POR: variants seen among roughly 807,000 people sequenced by gnomAD.
The protein encoded by POR is NADPH--cytochrome P450 reductase.
In POR, 56 loss-of-function variants were observed where a neutral mutation model predicts 84.0. That is an observed-to-expected ratio of 0.67 (90% confidence interval 0.54 to 0.83). The LOEUF (loss-of-function observed/expected upper bound fraction) is 0.83, where lower values mean the gene tolerates loss of function less well. POR is among the 40% of genes least tolerant of loss of function. The probability of loss-of-function intolerance (pLI) is 0.00; values close to 1 mark genes in which losing one functional copy is unlikely to be tolerated. For synonymous variants in POR, 414 were observed against 400.5 expected (o/e 1.03, Z -0.40); for missense variants, 938 against 944.3 (o/e 0.99, Z 0.09).
intron 1 of POR, among the ~76,000 whole-genome samples, chr7:75,949,040 G>T (rs1219708780): frequency 3.3e-5 from 5 of 152,232 alleles, no homozygotes; most frequent in Non-Finnish European, 5.9e-5. Context: ...CCTGCAAGGT[G>T]TGAGGAAGGG....
chr7:75,979,560 A>G lies in POR; in HGVS notation c.347A>G (p.Asp116Gly). 1 of 1,613,494 alleles carries G rather than the reference A, an allele frequency of 6.2e-7. No individual in the cohort carries two copies. Among genetic ancestry groups the G allele is most frequent in the Non-Finnish European group, 8.5e-7 (1 of 1,179,826 alleles). The change falls in exon 4 of 16, where the codon GAC (aspartate) becomes GGC (glycine). Residue 116 changes from aspartate (D) to glycine (G), a missense_variant. Physicochemically the swap from Asp to Gly is moderately conservative, Grantham distance 94 (BLOSUM62 -1). Transcript: ENST00000461988. ...TACGGGATGCGAGGCATGTCAGCGG[A>G]CCCTGAGGAGTATGACCTGGTAAGC...
At chr7:75,968,279 T>A (rs1788275680) in intron 2 of POR, 3 of 468,072 alleles carry the variant, frequency 6.4e-6, no homozygotes, top group Non-Finnish European at 1.3e-5. Context: ...AACAGCAAGG[T>A]CAGCCATTCC....
At chr7:75,963,296 GC>G (rs1171794312) in intron 2 of POR, among the ~76,000 whole-genome samples, 2 of 152,214 alleles carry the variant, frequency 1.3e-5, no homozygotes, top group African/African-American at 4.8e-5. Context: ...GGTGCAGGGG[GC>G]CCACTGCCTC....
Position 75,972,451 on chromosome 7 carries a change from T to C in POR, c.227T>C (p.Met76Thr). The C allele has an allele frequency of 6.2e-7, 1 of 1,607,726 alleles. No individual in the cohort carries two copies. The highest frequency in any genetic ancestry group is 1.1e-5 in the South Asian group (1 of 89,514). Residue 76 changes from methionine to threonine, a missense_variant, in exon 3 of 16, where the codon ATG becomes ACG. By Grantham distance (81) the Met-to-Thr change is moderately conservative. Transcript: ENST00000461988. ...AGAGAGAGCAGCTTTGTGGAAAAGATGAAGAAAACGGTGAGTTTCCTGCAT... is the reference window on the plus strand; with the variant it reads ...AGAGAGAGCAGCTTTGTGGAAAAGACGAAGAAAACGGTGAGTTTCCTGCAT...
intron 1 of POR, among the ~76,000 whole-genome samples, chr7:75,938,201 T>C (rs1343725411): frequency 3.3e-5 from 5 of 152,200 alleles, no homozygotes; most frequent in African/African-American, 1.2e-4. Context: ...TTAAGTCCTG[T>C]TGTGTGGGGA....
Position 75,980,464 on chromosome 7 carries a change from G to A in POR, c.492G>A (p.Val164=), listed in dbSNP as rs186349928. The change falls in exon 5 of 16, where the codon GTG becomes GTA. Residue 164 remains valine, a synonymous_variant. Coordinates refer to ENST00000461988, the MANE Select transcript of POR (RefSeq NM_000941.3). Reference sequence around the variant, plus strand: ...ACGACTGGCTGCAGGAGACAGACGTGGATCTCTCTGGGGTCAAGTTCGCGG... The same window carrying A: ...ACGACTGGCTGCAGGAGACAGACGTAGATCTCTCTGGGGTCAAGTTCGCGG... 7 of 1,613,052 alleles carry A rather than the reference G, an allele frequency of 4.3e-6. No homozygotes were observed. The Admixed American group carries it at 1.2e-4, about 27-fold the overall frequency.
Position 75,985,795 on chromosome 7 carries a change from G to A in POR, c.1615G>A (p.Gly539Arg), listed in dbSNP as rs121912976. The A allele has an allele frequency of 2.2e-5, 35 of 1,567,400 alleles. No individual in the cohort carries two copies. The highest frequency in any genetic ancestry group is 4.7e-5 in the East Asian group (2 of 42,342). Reference sequence around the variant, plus strand: ...TGTCATCATGGTGGGCCCCGGCACCGGGGTGGCACCCTTCATAGGCTTCAT... The same window carrying A: ...TGTCATCATGGTGGGCCCCGGCACCAGGGTGGCACCCTTCATAGGCTTCAT... The change falls in exon 13 of 16, where the codon GGG (glycine) becomes AGG (arginine). Residue 539 changes from glycine (G) to arginine (R), a missense_variant. Coordinates refer to ENST00000461988, the MANE Select transcript of POR (RefSeq NM_000941.3).
chr7:75,972,487 TTCTCAGGAAGCC>T, intron 3 of POR, 26 bp downstream of exon 3: 1 of 1,584,360 alleles, frequency 6.3e-7, no homozygotes. Context: ...GTCTTTACTC[TTCTCAGGAAGCC>T]TCGGCCCCGA....
chr7:75,920,836 A>C (rs1392239872), intron 1 of POR, among the ~76,000 whole-genome samples: 1 of 152,174 alleles, frequency 6.6e-6, no homozygotes, highest in Non-Finnish European at 1.5e-5. Flanking sequence ...CACTGCAAAC[A>C]GGGATGGCAG....
At chr7:75,949,917 G>A (rs1563411851) in intron 1 of POR, among the ~76,000 whole-genome samples, 1 of 151,478 alleles carries the variant, frequency 6.6e-6, no homozygotes, top group Non-Finnish European at 1.5e-5. Context: ...GGAGTGCAGT[G>A]GCACAATGTC....
chr7:75,924,457 G>A (rs1346800640), intron 1 of POR, among the ~76,000 whole-genome samples: 1 of 152,166 alleles, frequency 6.6e-6, no homozygotes, highest in Non-Finnish European at 1.5e-5. Flanking sequence ...CGAGGTGGAC[G>A]GATCACTAGA....
chr7:75,983,670 AC>A (rs782578849), intron 9 of POR, 34 bp downstream of exon 9: 2 of 1,607,112 alleles, frequency 1.2e-6, no homozygotes, highest in South Asian at 2.2e-5. Flanking sequence ...CTGAACCCTC[AC>A]TCTGGGCCTC....
chr7:75,970,938 TTTTTATTTTATTTTA>T (rs782776831), intron 2 of POR: 1 of 109,136 alleles, frequency 9.2e-6, no homozygotes, highest in East Asian at 2.5e-4. Context: ...TTAATGGCGT[TTTTTATTTTATTTTA>T]TTTTATTTTA....
chr7:75,947,649 G>A (rs951541229), intron 1 of POR, among the ~76,000 whole-genome samples: 2 of 152,312 alleles, frequency 1.3e-5, no homozygotes, highest in East Asian at 1.9e-4. Flanking sequence ...TGCACATTTT[G>A]TGTTGCACGT....
At chr7:75,917,380 C>CTTTTT (rs199962786) in intron 1 of POR, among the ~76,000 whole-genome samples, 3 of 125,986 alleles carry the variant, frequency 2.4e-5, no homozygotes, top group Admixed American at 7.5e-5. Flanking sequence ...CTTATTTCTT[C>CTTTTT]TTCTTTTTTT....
chr7:75,963,132 G>T (rs1554554744), intron 2 of POR, among the ~76,000 whole-genome samples: 2 of 152,212 alleles, frequency 1.3e-5, no homozygotes, highest in African/African-American at 4.8e-5. Context: ...AGTGCCAACA[G>T]ATGGGAAGTG....
At position 75,963,209 on chromosome 7, in the gene POR, G is replaced by A. The variant is rs1788021931; in HGVS notation, c.188+9029G>A. Among the ~76,000 whole-genome samples, 4 of 152,232 alleles carry A rather than the reference G, an allele frequency of 2.6e-5. No individual in the cohort carries two copies. In the South Asian group the frequency reaches 6.2e-4, roughly 24 times the overall value. ...CTGTAGTGAGGTCCTTGGCTCCATC[G>A]AGCATGAAAAGAGAAATACAAATGA... is the stretch of plus-strand genomic sequence containing the variant. On this transcript the variant is annotated intron_variant, in intron 2 of 15. Coordinates refer to ENST00000461988, the MANE Select transcript of POR (RefSeq NM_000941.3).
At chr7:75,981,015 C>T in intron 5 of POR, 33 bp from the exon 6 acceptor site, 1 of 1,537,746 alleles carries the variant, frequency 6.5e-7, no homozygotes, top group Non-Finnish European at 8.8e-7. Context: ...AGGTCGAGGG[C>T]CAGGCCTCAG....
rs1554557334 is a variant in POR at position 75,979,588 on chromosome 7, C to T, written c.366+9C>T. 2 of 1,612,548 alleles carry T rather than the reference C, an allele frequency of 1.2e-6. No homozygotes were observed. The highest frequency in any genetic ancestry group is 3.3e-5 in the Admixed American group (2 of 60,004). ...CTGAGGAGTATGACCTGGTAAGCTG[C>T]CACCGCGTGCTGGCCCCAGATGGAG... On this transcript the variant is annotated intron_variant, in intron 4 of 15. Transcript: ENST00000461988.
Sources: gnomAD v4.1 joint callset for allele counts (sites outside exome capture counted in the v4.1 genomes callset) on GRCh38, gnomAD v4.1.1 for gene constraint, MANE v1.5 for transcripts, NCBI Gene and HGNC (gene_info 2026-07-23, HGNC 2026-07-21) for gene names.